Variants in NOS1 observed in about 807,000 individuals in gnomAD.
NOS1 encodes NOS type I.
A neutral mutation model predicts 164.5 loss-of-function variants in NOS1; 51 were observed. That is an observed-to-expected ratio of 0.31 (90% CI 0.25 to 0.39). The LOEUF (loss-of-function observed/expected upper bound fraction) is 0.39. Among genes scored for constraint, NOS1 ranks in the 10% least tolerant of loss-of-function variants. NOS1 has a pLI of 1.00. For missense variants in NOS1, 1,362 were observed against 1,885.6 expected (o/e 0.72, Z 5.14); for synonymous variants, 719 against 745.8 (o/e 0.96, Z 0.59).
intron 8 of NOS1, 150 bp downstream of exon 8, chr12:117,280,575 G>A (rs1040550422): frequency 1.7e-5 from 14 of 802,262 alleles, no homozygotes; most frequent in Admixed American, 2.5e-5. Flanking sequence ...TTAGATTGGG[G>A]AACAGCCTGA....
intron 25 of NOS1, among the ~76,000 whole-genome samples, chr12:117,223,697 C>G (rs1324059385): frequency 6.6e-6 from 1 of 151,986 alleles, no homozygotes; most frequent in Non-Finnish European, 1.5e-5. Context: ...TCTTGTTGCC[C>G]AAGGTGGAGT....
At chr12:117,277,822 G>T in intron 9 of NOS1, 137 bp downstream of exon 9, 1 of 1,068,786 alleles carries the variant, frequency 9.4e-7, no homozygotes, top group Middle Eastern at 3.2e-4. Flanking sequence ...CCCGCAGTGA[G>T]GACAGGAACC....
chr12:117,328,860 G>T (rs1421365112), intron 2 of NOS1, among the ~76,000 whole-genome samples: 1 of 152,214 alleles, frequency 6.6e-6, no homozygotes, highest in Non-Finnish European at 1.5e-5. Context: ...ACATCATAGA[G>T]TGCACTTACA....
At chr12:117,319,810 T>TG (rs1874832607) in intron 2 of NOS1, among the ~76,000 whole-genome samples, 1 of 152,200 alleles carries the variant, frequency 6.6e-6, no homozygotes. Flanking sequence ...AGAGGTGGAA[T>TG]GGGGTAGTTC....
chr12:117,271,497 C>T (rs1239863580), intron 10 of NOS1, among the ~76,000 whole-genome samples: 1 of 152,134 alleles, frequency 6.6e-6, no homozygotes, highest in Non-Finnish European at 1.5e-5. Flanking sequence ...AGGCTGGTCT[C>T]GAACTCCAGG....
chr12:117,232,069 T>C lies in NOS1; in HGVS notation c.3298A>G (p.Lys1100Glu). ...GGCGTGGTGATGTCCAGGTAGTACT[T>C]GAAGGCCTGGAAGATGGTGCAGGGC... ...LPPCTIFQAF[K>E]YYLDITTPPT... is the part of the protein sequence containing the mutation. The change falls in exon 22 of 29, where the codon AAG (lysine) becomes GAG (glutamate). Residue 1100 changes from lysine (K) to glutamate (E), a missense_variant. Transcript: ENST00000317775. 10 of 1,612,190 alleles carry C rather than the reference T, an allele frequency of 6.2e-6. No individual in the cohort carries two copies. Among genetic ancestry groups the C allele is most frequent in the Non-Finnish European group, 8.5e-6 (10 of 1,179,964 alleles).
chr12:117,322,062 T>C (rs1476814875), intron 2 of NOS1, among the ~76,000 whole-genome samples: 18 of 125,542 alleles, frequency 1.4e-4, no homozygotes, highest in Non-Finnish European at 6.8e-5. Context: ...CCCTCCTTCC[T>C]TCCCTCCCTC....
intron 1 of NOS1, among the ~76,000 whole-genome samples, chr12:117,332,139 G>A (rs1180543696): frequency 1.3e-5 from 2 of 152,238 alleles, no homozygotes; most frequent in Non-Finnish European, 2.9e-5. Context: ...ACAGACAGCT[G>A]AAACTCTGAT....
At chr12:117,351,853 C>T (rs1566087742) in intron 1 of NOS1, among the ~76,000 whole-genome samples, 2 of 152,218 alleles carry the variant, frequency 1.3e-5, no homozygotes, top group Non-Finnish European at 2.9e-5. Flanking sequence ...CTTCAGAATC[C>T]TGCCTCTTCT....
chr12:117,282,983 C>T (rs1873792017), intron 7 of NOS1, among the ~76,000 whole-genome samples: 2 of 151,498 alleles, frequency 1.3e-5, no homozygotes, highest in East Asian at 1.9e-4. Context: ...ATCTCTCCCT[C>T]TCTTCTTCTC....
At chr12:117,250,237 A>T (rs997973556) in intron 17 of NOS1, among the ~76,000 whole-genome samples, 1 of 152,004 alleles carries the variant, frequency 6.6e-6, no homozygotes, top group African/African-American at 2.4e-5. Context: ...GTAACATTTC[A>T]TCTTCCTCTT....
chr12:117,252,056 G>C (rs961906464), intron 17 of NOS1, among the ~76,000 whole-genome samples: 2 of 152,044 alleles, frequency 1.3e-5, no homozygotes, highest in Non-Finnish European at 1.5e-5. Flanking sequence ...TATATGTGGG[G>C]GTCAGACAGC....
Position 117,234,446 on chromosome 12 carries a change from G to T in NOS1, c.3235+119C>A. 9.6e-7 allele frequency: 1 copy of T among 1,042,980 alleles called. No individual in the cohort carries two copies. Among genetic ancestry groups the T allele is most frequent in the Non-Finnish European group, 1.4e-6 (1 of 721,246 alleles). The allele number at this position is 1,042,980 out of a possible 1,614,324, so 64.6% of individuals were successfully genotyped here. ...ATATCTTTAGTCTCATAGGCTGTTA[G>T]CAACAGACACCCACTCTCCTGCCTG... On this transcript the variant is annotated intron_variant, in intron 21 of 28. Transcript: ENST00000317775. The surrounding 1 kb of genome is among the most constrained non-coding windows in gnomAD (Gnocchi z 4.3).
At chr12:117,225,229 T>C in intron 24 of NOS1, 92 bp from the exon 25 acceptor site, 1 of 1,496,374 alleles carries the variant, frequency 6.7e-7, no homozygotes. Flanking sequence ...CCATCTTCGG[T>C]AGACATACAA....
In NOS1 at chr12:117,330,917, G is replaced by A. The variant is rs368807999; in HGVS notation, c.153C>T (p.Ala51=). Residue 51 remains alanine (A), a synonymous_variant, in exon 2 of 29, where the codon GCC becomes GCT. Coordinates refer to ENST00000317775, the MANE Select transcript of NOS1 (RefSeq NM_000620.5). The surrounding 1 kb of genome is among the most constrained non-coding windows in gnomAD (Gnocchi z 4.6). The part of the protein sequence containing the change: ...VIISDLIRGG[A]AEQSGLIQAG... ...CCTGGATGAGGCCACTCTGCTCTGCGGCGCCCCCACGAATCAGGTCAGAGA... is the reference window on the plus strand; with the variant it reads ...CCTGGATGAGGCCACTCTGCTCTGCAGCGCCCCCACGAATCAGGTCAGAGA... The A allele has an allele frequency of 1.1e-5, 18 of 1,614,028 alleles. No individual in the cohort carries two copies. The highest frequency in any genetic ancestry group is 1.1e-4 in the East Asian group (5 of 44,866).
chr12:117,279,114 C>G (rs762323782), intron 8 of NOS1, among the ~76,000 whole-genome samples: 2 of 152,176 alleles, frequency 1.3e-5, no homozygotes, highest in Non-Finnish European at 2.9e-5. Flanking sequence ...CGCGGTGGCT[C>G]ACGCCTGTAA....
chr12:117,223,544 G>C (rs41476045), intron 25 of NOS1, among the ~76,000 whole-genome samples: 114 of 151,850 alleles, frequency 7.5e-4, no homozygotes, highest in Admixed American at 3.7e-3. Context: ...ATAAGCGTGA[G>C]CCACTGTGCC....
At chr12:117,273,232 T>A (rs1171463254) in intron 9 of NOS1, among the ~76,000 whole-genome samples, 1 of 152,164 alleles carries the variant, frequency 6.6e-6, no homozygotes, top group South Asian at 2.1e-4. Flanking sequence ...CTTGAGATCA[T>A]AAGCACCGTG....
At chr12:117,334,902 T>C (rs1160936974) in intron 1 of NOS1, among the ~76,000 whole-genome samples, 2 of 152,198 alleles carry the variant, frequency 1.3e-5, no homozygotes, top group African/African-American at 2.4e-5. Context: ...TGAGGCTCCG[T>C]AGGGAGAGCT....
Sources: allele counts gnomAD v4.1 joint callset (sites outside exome capture counted in the v4.1 genomes callset), GRCh38; gene constraint gnomAD v4.1.1; non-coding constraint Gnocchi (gnomAD v3.1); transcripts MANE v1.5; gene names NCBI Gene and HGNC (gene_info 2026-07-23, HGNC 2026-07-21).